Variants in PTPRN2 observed in about 807,000 individuals in gnomAD.
The protein encoded by PTPRN2 is protein tyrosine phosphatase receptor type N2.
A neutral mutation model predicts 118.8 loss-of-function variants in PTPRN2; 74 were observed. That is an observed-to-expected ratio of 0.62 (90% confidence interval 0.52 to 0.76). The LOEUF is 0.76. PTPRN2 is among the 30% of genes least tolerant of loss of function. The pLI is 0.00. For synonymous variants in PTPRN2, 641 were observed against 608.0 expected (o/e 1.05, Z -0.80); for missense variants, 1,481 against 1,394.4 (o/e 1.06, Z -0.99).
chr7:158,152,553 T>C (rs1376938199), intron 6 of PTPRN2, among the ~76,000 whole-genome samples: 1 of 151,930 alleles, frequency 6.6e-6, no homozygotes, highest in Non-Finnish European at 1.5e-5. Flanking sequence ...GATATAGAAG[T>C]GTGAAGGGAA....
chr7:158,383,092 C>T (rs1462984506), intron 2 of PTPRN2, among the ~76,000 whole-genome samples: 1 of 152,092 alleles, frequency 6.6e-6, no homozygotes, highest in Non-Finnish European at 1.5e-5. Flanking sequence ...TGACATGATG[C>T]CTGGAGAACA....
At chr7:157,798,512 GACAC>G (rs1440876619) in intron 12 of PTPRN2, among the ~76,000 whole-genome samples, 2 of 151,474 alleles carry the variant, frequency 1.3e-5, no homozygotes, top group Non-Finnish European at 2.9e-5. Flanking sequence ...GACACACACG[GACAC>G]ACACAGACAC....
chr7:157,768,413 G>A (rs907551854), intron 12 of PTPRN2, among the ~76,000 whole-genome samples: 6 of 152,176 alleles, frequency 3.9e-5, no homozygotes, highest in Non-Finnish European at 7.3e-5. Context: ...GCCAAGAAGC[G>A]ACCCCCCTAC....
rs75429275 is a variant in PTPRN2 at position 158,368,002 on chromosome 7, A to G, written c.164-51070T>C. On this transcript the variant is annotated intron_variant, in intron 2 of 22. Transcript: ENST00000389418. ...TGACTTTCCCTTCTGCAAGTTTCCC[A>G]GAGGAGGAAAACCTTTAAATTGAGC... 3.5e-4 allele frequency among the ~76,000 whole-genome samples: 54 copies of G among 152,304 alleles called. No homozygotes were observed. In the East Asian group the frequency reaches 9.4e-3, roughly 27 times the overall value.
At chr7:157,791,537 C>T (rs950629869) in intron 12 of PTPRN2, among the ~76,000 whole-genome samples, 3 of 147,670 alleles carry the variant, frequency 2.0e-5, no homozygotes, top group Non-Finnish European at 3.0e-5. Flanking sequence ...CCCGCCCCCG[C>T]TCCCTGCACC....
At chr7:157,643,121 T>C (rs1223670560) in intron 14 of PTPRN2, among the ~76,000 whole-genome samples, 2 of 152,208 alleles carry the variant, frequency 1.3e-5, no homozygotes, top group Admixed American at 6.5e-5. Flanking sequence ...GATGGGTTTG[T>C]TGGGACATAA....
intron 15 of PTPRN2, among the ~76,000 whole-genome samples, chr7:157,604,833 C>T (rs1378382639): frequency 6.6e-6 from 1 of 152,204 alleles, no homozygotes; most frequent in Non-Finnish European, 1.5e-5. Flanking sequence ...GCTGTCTTGG[C>T]TTTGGTTCTG....
At position 157,627,696 on chromosome 7, in the gene PTPRN2, A is replaced by G. The variant is rs753599483; in HGVS notation, c.2197-6187T>C. On this transcript the variant is annotated intron_variant, in intron 14 of 22. Transcript: ENST00000389418. This position sits in a 1 kb window ranked among gnomAD's most constrained non-coding sequence, Gnocchi z 4.2. ...GTGTCTCCAACCTTCTCAAATTCTCATACTTCCTGAGGGCCTAGACATGAT... is the reference window on the plus strand; with the variant it reads ...GTGTCTCCAACCTTCTCAAATTCTCGTACTTCCTGAGGGCCTAGACATGAT... 9.2e-5 allele frequency among the ~76,000 whole-genome samples: 14 copies of G among 152,180 alleles called. No homozygotes were observed. The highest frequency in any genetic ancestry group is 2.1e-4 in the Non-Finnish European group (14 of 68,028).
At chr7:157,775,316 C>G (rs916789409) in intron 12 of PTPRN2, among the ~76,000 whole-genome samples, 7 of 152,220 alleles carry the variant, frequency 4.6e-5, no homozygotes, top group Non-Finnish European at 1.0e-4. Flanking sequence ...CACCCAAATT[C>G]ATGAGCCGCA....
chr7:157,792,053 C>G (rs1804539598), intron 12 of PTPRN2, among the ~76,000 whole-genome samples: 1 of 152,252 alleles, frequency 6.6e-6, no homozygotes, highest in African/African-American at 2.4e-5. Context: ...GGGGGTCACA[C>G]TGCCAGTTTG....
intron 5 of PTPRN2, among the ~76,000 whole-genome samples, chr7:158,173,971 T>C (rs1296735238): frequency 6.6e-6 from 1 of 152,202 alleles, no homozygotes; most frequent in African/African-American, 2.4e-5. Flanking sequence ...GTTTTACAGT[T>C]TGTACCATTA....
chr7:157,791,644 C>T (rs998181889), intron 12 of PTPRN2, among the ~76,000 whole-genome samples: 9 of 152,030 alleles, frequency 5.9e-5, no homozygotes, highest in African/African-American at 2.2e-4. Flanking sequence ...TTCATCCACA[C>T]GTCTCCTAGT....
intron 3 of PTPRN2, among the ~76,000 whole-genome samples, chr7:158,227,332 G>A (rs544818302): frequency 3.2e-4 from 48 of 152,100 alleles, no homozygotes; most frequent in African/African-American, 1.0e-3. Context: ...AGAGAGAGGC[G>A]GTATTCATTT....
chr7:158,539,823 GT>G, intron 1 of PTPRN2: 2 of 247,580 alleles, frequency 8.1e-6, no homozygotes, highest in South Asian at 3.8e-5. Flanking sequence ...CCTGGAGCTG[GT>G]GGCTGCTGGA....
At chr7:158,486,038 A>G (rs146199715) in intron 2 of PTPRN2, among the ~76,000 whole-genome samples, 61 of 152,368 alleles carry the variant, frequency 4.0e-4, no homozygotes, top group African/African-American at 1.3e-3. Flanking sequence ...TTTGTTTAAT[A>G]TTAATGATTT....
rs563453669 is a variant in PTPRN2, at chr7:158,504,947, T to C, written c.113-15162A>G. Among the ~76,000 whole-genome samples, 3 of 152,370 alleles carry C rather than the reference T, an allele frequency of 2.0e-5. No individual in the cohort carries two copies. In the South Asian group the frequency reaches 6.2e-4, roughly 32 times the overall value. On this transcript the variant is annotated intron_variant, in intron 1 of 22. Transcript: ENST00000389418. The stretch of plus-strand genomic sequence containing the variant: ...TTTTAAAGGTATATATGTAAGACTT[T>C]CAAAATATCTTGCCAAATTGCCCTG...
intron 21 of PTPRN2, among the ~76,000 whole-genome samples, chr7:157,552,385 T>C (rs74828531): frequency 0.018 from 2,789 of 152,204 alleles, 75 homozygotes; most frequent in African/African-American, 0.064. Context: ...GTGTGAATAA[T>C]AGCTCAGAAA....
chr7:157,791,532 C>G (rs1376833365), intron 12 of PTPRN2, among the ~76,000 whole-genome samples: 1 of 146,414 alleles, frequency 6.8e-6, no homozygotes. Context: ...CTGCACCCGC[C>G]CCCGCTCCCT....
chr7:157,588,531 G>A (rs1800805175), intron 17 of PTPRN2, among the ~76,000 whole-genome samples: 1 of 152,240 alleles, frequency 6.6e-6, no homozygotes, highest in African/African-American at 2.4e-5. Context: ...CTGGGCTGGG[G>A]ACGCACTGTG....
Sources: allele counts gnomAD v4.1 joint callset (sites outside exome capture counted in the v4.1 genomes callset), GRCh38; gene constraint gnomAD v4.1.1; non-coding constraint Gnocchi (gnomAD v3.1); transcripts MANE v1.5; gene names NCBI Gene and HGNC (gene_info 2026-07-23, HGNC 2026-07-21).